The following NFKBIZ variants were observed in gnomAD, a reference collection of about 807,000 sequenced individuals.
NFKBIZ encodes NF-kappa-B inhibitor zeta.
In NFKBIZ, 19 loss-of-function variants were observed where a neutral mutation model predicts 76.8. That is an observed-to-expected ratio of 0.25 (90% confidence interval 0.17 to 0.36). The LOEUF (loss-of-function observed/expected upper bound fraction) is 0.36. NFKBIZ is among the 10% of genes least tolerant of loss of function. The probability of loss-of-function intolerance (pLI) is 1.00; values close to 1 mark genes in which losing one functional copy is unlikely to be tolerated. For missense variants in NFKBIZ, 829 were observed against 910.9 expected, an observed-to-expected ratio of 0.91 and a Z score of 1.16; for synonymous variants, 368 against 354.8, an observed-to-expected ratio of 1.04 and a Z score of -0.42.
intron 1 of NFKBIZ, chr3:101,850,376 T>C (rs1942934792): frequency 6.5e-6 from 1 of 153,842 alleles, no homozygotes; most frequent in African/African-American, 2.4e-5. Context: ...TTATGGAATT[T>C]TTCAGTAAAA....
intron 2 of NFKBIZ, among the ~76,000 whole-genome samples, chr3:101,842,799 G>T (rs1942803836): frequency 6.6e-6 from 1 of 151,020 alleles, no homozygotes; most frequent in Non-Finnish European, 1.5e-5. Flanking sequence ...AAGTGGGCAA[G>T]GCTGGATGGG....
chr3:101,842,797 A>G (rs1399047584), intron 2 of NFKBIZ, among the ~76,000 whole-genome samples: 1 of 151,310 alleles, frequency 6.6e-6, no homozygotes, highest in African/African-American at 2.4e-5. Flanking sequence ...TTAAGTGGGC[A>G]AGGCTGGATG....
At chr3:101,836,083 A>G (rs959456571) in intron 2 of NFKBIZ, among the ~76,000 whole-genome samples, 1 of 152,182 alleles carries the variant, frequency 6.6e-6, no homozygotes, top group African/African-American at 2.4e-5. Context: ...AGGTTTCTGG[A>G]AAAATGAAGA....
chr3:101,849,783 G>C lies in NFKBIZ; in HGVS notation c.155G>C (p.Cys52Ser). The C allele has an allele frequency of 6.9e-7, 1 of 1,458,140 alleles. No homozygotes were observed. 90.3% of individuals were successfully genotyped at this position (1,458,140 alleles called of 1,614,324 possible). Residue 52 changes from cysteine (C) to serine (S), a missense_variant, in exon 1 of 12, where the codon TGC becomes TCC. Physicochemically the swap from Cys to Ser is moderately radical, Grantham distance 112. Coordinates refer to ENST00000326172, the MANE Select transcript of NFKBIZ (RefSeq NM_031419.4). ...AAAPGACDAS[C>S]SVLGPSAPGS... ...GCCCCGGGCGCCTGCGACGCCAGCTGCTCGGTCTTGGGCCCCTCGGCGCCC... is the reference window on the plus strand; with the variant it reads ...GCCCCGGGCGCCTGCGACGCCAGCTCCTCGGTCTTGGGCCCCTCGGCGCCC...
chr3:101,838,041 G>A (rs895232165), intron 2 of NFKBIZ, among the ~76,000 whole-genome samples: 3 of 152,238 alleles, frequency 2.0e-5, no homozygotes, highest in Non-Finnish European at 2.9e-5. Flanking sequence ...GATTGCATAC[G>A]TGTGAAAGTG....
At chr3:101,852,276 T>G (rs1465610017) in intron 2 of NFKBIZ, 52 bp downstream of exon 2, 7 of 1,589,178 alleles carry the variant, frequency 4.4e-6, no homozygotes, top group Non-Finnish European at 6.0e-6. Context: ...GGGGTTAGTC[T>G]GTCAGGGTTA....
chr3:101,853,381 C>A lies in NFKBIZ; in HGVS notation c.855C>A (p.Ser285=). The change falls in exon 5 of 12, where the codon TCC becomes TCA. Residue 285 remains serine (S), a synonymous_variant. Transcript: ENST00000326172. ...RGSQQMIDQA[S]LYQYSPQNQH... ...CCCAACAAATGATAGACCAGGCTTC[C>A]CTGTACCAGTATTCTCCACAGAACC... The A allele has an allele frequency of 6.2e-7, 1 of 1,614,122 alleles. No homozygotes were observed. Among genetic ancestry groups the A allele is most frequent in the Non-Finnish European group, 8.5e-7 (1 of 1,180,012 alleles).
chr3:101,828,180 CA>C (rs755189139), exon 1 of NFKBIZ: 1 of 152,108 alleles, frequency 6.6e-6, no homozygotes, highest in Non-Finnish European at 1.5e-5. Context: ...TCTTCAAACA[CA>C]AAGGTATATT....
At chr3:101,847,968 C>A (rs1383083708), upstream of NFKBIZ, among the ~76,000 whole-genome samples, 1 of 152,186 alleles carries the variant, frequency 6.6e-6, no homozygotes, top group Non-Finnish European at 1.5e-5. Flanking sequence ...TGACTGGGGA[C>A]CCTTTCATTT....
At chr3:101,839,426 GTT>G (rs1942761359) in intron 2 of NFKBIZ, among the ~76,000 whole-genome samples, 1 of 152,082 alleles carries the variant, frequency 6.6e-6, no homozygotes, top group Non-Finnish European at 1.5e-5. Flanking sequence ...GGATATGAAA[GTT>G]TTGCAAAACA....
At position 101,859,370 on chromosome 3, in the gene NFKBIZ, A is replaced by C; in HGVS notation, c.2156A>C (p.Ter719SerextTer3). Residue 719 changes from the stop codon to serine, a stop_lost, in exon 12 of 12, where the codon TAG becomes TCG. Coordinates refer to ENST00000326172, the MANE Select transcript of NFKBIZ (RefSeq NM_031419.4). ...ATTCAGCAGAGAGCTCCACCGTATT[A>C]GCTCCATTAGCTTGGAGCCTGGCTA... ...KSIQQRAPPY[*>S] The C allele has an allele frequency of 6.2e-7, 1 of 1,613,380 alleles. No homozygotes were observed. The highest frequency in any genetic ancestry group is 8.5e-7 in the Non-Finnish European group (1 of 1,179,384).
chr3:101,838,543 A>G (rs535159697), intron 2 of NFKBIZ, among the ~76,000 whole-genome samples: 205 of 152,368 alleles, frequency 1.3e-3, no homozygotes, highest in Non-Finnish European at 2.4e-3. Flanking sequence ...TTATATAAAC[A>G]TTTAAAATGT....
At position 101,852,934 on chromosome 3, in the gene NFKBIZ, C is replaced by G. The variant is rs770347676; in HGVS notation, c.509C>G (p.Ser170Trp). The G allele has an allele frequency of 6.2e-7, 1 of 1,614,140 alleles. No individual in the cohort carries two copies. The highest frequency in any genetic ancestry group is 8.5e-7 in the Non-Finnish European group (1 of 1,180,028). ...AGTGGGAAAAGGAAAGGGCCCGATT[C>G]GTTGTCTGATGGACCTGCTTGCAAA... ...SYSGKRKGPD[S>W]LSDGPACKRP... Residue 170 changes from serine (S) to tryptophan (W), a missense_variant, in exon 4 of 12, where the codon TCG (serine) becomes TGG (tryptophan). Around this residue, in one of 4 missense-constraint regions of NFKBIZ, gnomAD observed 371 missense variants for 332.3 expected, o/e 1.12. Coordinates refer to ENST00000326172, the MANE Select transcript of NFKBIZ (RefSeq NM_031419.4).
rs1335502768 is a variant in NFKBIZ, at chr3:101,859,547, A to G, written c.*176A>G. The G allele has an allele frequency of 2.3e-6, 1 of 428,096 alleles. No individual in the cohort carries two copies. The allele number at this position is 428,096 out of a possible 1,614,324, so 26.5% of individuals were successfully genotyped here. On this transcript the variant is annotated 3_prime_UTR_variant, in exon 12 of 12. Coordinates refer to ENST00000326172, the MANE Select transcript of NFKBIZ (RefSeq NM_031419.4). ...TTAAAAGAAAAGAAGAAAAATATCT[A>G]ATTTCTCTTGGCAGATTTGCATATT...
intron 2 of NFKBIZ, among the ~76,000 whole-genome samples, chr3:101,838,222 A>G (rs1275903999): frequency 1.3e-5 from 2 of 152,234 alleles, no homozygotes; most frequent in African/African-American, 4.8e-5. Context: ...CTTATTAAGC[A>G]TCTAGGATGT....
chr3:101,830,014 C>T (rs1942626321), intron 2 of NFKBIZ, among the ~76,000 whole-genome samples: 1 of 152,094 alleles, frequency 6.6e-6, no homozygotes, highest in Non-Finnish European at 1.5e-5. Context: ...CTGACAGTTT[C>T]AGGGTTATGT....
chr3:101,859,096 ACT>A (rs1330417879), intron 11 of NFKBIZ, among the ~76,000 whole-genome samples: 4 of 151,454 alleles, frequency 2.6e-5, no homozygotes, highest in African/African-American at 9.7e-5. Flanking sequence ...ACTTTCTTGA[ACT>A]CAAAGATTAT....
In NFKBIZ at chr3:101,843,830, T is replaced by C. The variant is rs145744170; in HGVS notation, c.-11-8255T>C. On this transcript the variant is annotated intron_variant, in intron 2 of 12. Coordinates refer to the NFKBIZ transcript ENST00000394054. Reference sequence around the variant, plus strand: ...TTCTAAATGTTGCCACATTTCATTATATAATATAAAAAAATCACATTTGTT... The same window carrying C: ...TTCTAAATGTTGCCACATTTCATTACATAATATAAAAAAATCACATTTGTT... Among the ~76,000 whole-genome samples the C allele has an allele frequency of 3.6e-3, 545 of 152,312 alleles. 4 individuals are homozygous for C. Among genetic ancestry groups the C allele is most frequent in the Middle Eastern group, 0.01 (3 of 294 alleles).
At chr3:101,830,698 AC>A (rs1263952842) in intron 2 of NFKBIZ, among the ~76,000 whole-genome samples, 2 of 151,368 alleles carry the variant, frequency 1.3e-5, no homozygotes, top group African/African-American at 4.9e-5. Flanking sequence ...GTGTATACGT[AC>A]CACATTTCCT....
Sources: gnomAD v4.1 joint callset for allele counts (sites outside exome capture counted in the v4.1 genomes callset) on GRCh38, gnomAD v4.1.1 for gene constraint, gnomAD v4.1.1 regional missense constraint, MANE v1.5 for transcripts, NCBI Gene and HGNC (gene_info 2026-07-23, HGNC 2026-07-21) for gene names.